NBPF20: variants seen among roughly 807,000 people sequenced by gnomAD.
NBPF20 encodes the protein NBPF member 20, also known as NBPF family member NBPF20.
NBPF20 carries 90 observed loss-of-function variants against 68.1 expected under a neutral mutation model. That is an observed-to-expected ratio of 1.32 (90% CI 1.11 to 1.58). The LOEUF (loss-of-function observed/expected upper bound fraction) is 1.58, where lower values mean the gene tolerates loss of function less well. Among genes scored for constraint, NBPF20 ranks in the 40% most tolerant of loss-of-function variants. The pLI, the probability that NBPF20 is intolerant of heterozygous loss-of-function variation, is 0.00. For missense variants in NBPF20, 816 were observed against 601.2 expected (o/e 1.36, Z -3.74); for synonymous variants, 290 against 228.1 (o/e 1.27, Z -2.45).
chr1:145,410,269 A>G (rs1250127938), upstream of NBPF20, among the ~76,000 whole-genome samples: 1 of 151,468 alleles, frequency 6.6e-6, no homozygotes, highest in African/African-American at 2.4e-5. Flanking sequence ...CCTGATGACT[A>G]AACAGTGGAG....
upstream of NBPF20, among the ~76,000 whole-genome samples, chr1:145,406,316 G>C (rs1662787126): frequency 1.3e-5 from 2 of 151,208 alleles, no homozygotes. Flanking sequence ...TTTTGGCCAA[G>C]TAATATCCTA....
chr1:145,291,813 G>A (rs115160688), intron 137 of NBPF20, 44 bp from the exon 143 acceptor site: 20,690 of 1,611,716 alleles, frequency 0.013, 190 homozygotes, highest in Non-Finnish European at 0.015. Flanking sequence ...GGGAAAATCA[G>A]AAACCACAGA....
chr1:145,342,792 C>A (rs1216675339), intron 73 of NBPF20, among the ~76,000 whole-genome samples: 4 of 116,556 alleles, frequency 3.4e-5, no homozygotes, highest in African/African-American at 1.1e-4. Flanking sequence ...CACACACACA[C>A]ACAGACACAC....
exon 6 of NBPF20, chr1:145,400,490 T>C: frequency 6.2e-7 from 1 of 1,613,080 alleles, no homozygotes; most frequent in Admixed American, 1.7e-5. Flanking sequence ...GGTTTTCCTA[T>C]GTGGCTGGTT....
rs782079098 is a variant in NBPF20, at chr1:145,292,430, T to A, written c.16648A>T (p.Arg5550Ter). The A allele has an allele frequency of 2.0e-5, 14 of 703,722 alleles. No individual in the cohort carries two copies. Among genetic ancestry groups the A allele is most frequent in the Non-Finnish European group, 2.8e-5 (11 of 396,994 alleles). 43.6% of individuals were successfully genotyped at this position (703,722 alleles called of 1,614,324 possible). Residue 5550 changes from arginine (R) to a stop codon, truncating the protein, a stop_gained, in exon 137 of 138, where the codon AGA becomes TGA. Transcript: ENST00000369373. LOFTEE classifies it high-confidence loss of function. ...TCTTCCCCTTCTTTTCTTCCCCTTC[T>A]TCTTTTCTTCTTTGATCTTCTTCCC...
chr1:145,403,940 C>A, intron 2 of NBPF20, among the ~76,000 whole-genome samples: 1 of 149,794 alleles, frequency 6.7e-6, no homozygotes, highest in Non-Finnish European at 1.5e-5. Context: ...AAATAGTGTT[C>A]ACTGTGTGCC....
At chr1:145,422,628 T>G in the NBPF20 span, among the ~76,000 whole-genome samples, 1 of 152,068 alleles carries the variant, frequency 6.6e-6, no homozygotes, top group Admixed American at 6.5e-5. Flanking sequence ...TGCCAAACAG[T>G]GCAGAAGGAA....
the NBPF20 span, among the ~76,000 whole-genome samples, chr1:145,419,243 G>A: frequency 1.3e-5 from 2 of 151,652 alleles, no homozygotes; most frequent in African/African-American, 4.9e-5. Flanking sequence ...AGAGAAGTAG[G>A]GAAGGAAGGA....
At chr1:145,393,490 C>T (rs1553662730) in intron 9 of NBPF20, among the ~76,000 whole-genome samples, 4 of 143,242 alleles carry the variant, frequency 2.8e-5, no homozygotes, top group South Asian at 2.3e-4. Context: ...CACACACACA[C>T]AGAGCGAGCT....
chr1:145,397,635 A>G (rs1468035385), intron 7 of NBPF20, among the ~76,000 whole-genome samples: 2 of 152,222 alleles, frequency 1.3e-5, no homozygotes, highest in African/African-American at 4.8e-5. Flanking sequence ...AAAACATGCC[A>G]AACTGTAAAG....
intron 7 of NBPF20, among the ~76,000 whole-genome samples, chr1:145,397,478 C>G (rs1662308505): frequency 1.3e-5 from 2 of 152,180 alleles, no homozygotes; most frequent in Admixed American, 1.3e-4. Context: ...TCATATCCAG[C>G]CAAACAAAGC....
At chr1:145,404,162 C>G (rs1662657670) in intron 2 of NBPF20, among the ~76,000 whole-genome samples, 1 of 148,710 alleles carries the variant, frequency 6.7e-6, no homozygotes, top group Non-Finnish European at 1.5e-5. Flanking sequence ...TGTGATCTTT[C>G]TTCCTCTTTA....
chr1:145,292,162 AGCT>A (rs1661156638), intron 137 of NBPF20, among the ~76,000 whole-genome samples: 2 of 149,978 alleles, frequency 1.3e-5, no homozygotes, highest in Non-Finnish European at 2.9e-5. Context: ...ATGAGAGTAC[AGCT>A]TTTGAAGTAT....
chr1:145,397,300 G>T (rs1662297753), intron 7 of NBPF20, among the ~76,000 whole-genome samples: 3 of 152,070 alleles, frequency 2.0e-5, no homozygotes, highest in East Asian at 3.9e-4. Context: ...GGGATGGCTG[G>T]GTCAAATGGT....
chr1:145,291,667 T>A lies in NBPF20; in HGVS notation c.16800A>T (p.Ser5600=), dbSNP rs782134605. ...AAAACACACTTCTGTAGTGCTGGAA[T>A]GAGTCAGGTAGTTCAAAGTACATTG... is the stretch of plus-strand genomic sequence containing the variant. The change falls in exon 138 of 138, where the codon TCA becomes TCT. Residue 5600 remains serine, a synonymous_variant. Transcript: ENST00000369373. 38 of 1,611,820 alleles carry A rather than the reference T, an allele frequency of 2.4e-5. No individual in the cohort carries two copies. The South Asian group carries it at 3.0e-4, about 13-fold the overall frequency.
the NBPF20 span, among the ~76,000 whole-genome samples, chr1:145,419,235 A>G: frequency 0.016 from 2,354 of 151,618 alleles, 23 homozygotes; most frequent in Non-Finnish European, 0.022. Flanking sequence ...AGGGAAGGAG[A>G]GAAGTAGGGA....
chr1:145,400,762 G>C (rs1662486005), intron 5 of NBPF20, among the ~76,000 whole-genome samples, 168 bp from the exon 11 acceptor site: 1 of 152,174 alleles, frequency 6.6e-6, no homozygotes, highest in Non-Finnish European at 1.5e-5. Flanking sequence ...CTGCAACAGA[G>C]CATGGCTGCC....
At chr1:145,412,250 C>A in the NBPF20 span, among the ~76,000 whole-genome samples, 17 of 150,574 alleles carry the variant, frequency 1.1e-4, no homozygotes, top group African/African-American at 3.6e-4. Context: ...GGTTTCTTTT[C>A]GGCTACTTTG....
At chr1:145,338,075 G>T (rs1661589663) in intron 79 of NBPF20, among the ~76,000 whole-genome samples, 3 of 83,694 alleles carry the variant, frequency 3.6e-5, no homozygotes, top group African/African-American at 1.4e-4. Flanking sequence ...AACGAGCTCA[G>T]TGAATTGTCC....
Sources: allele counts gnomAD v4.1 joint callset (sites outside exome capture counted in the v4.1 genomes callset), GRCh38; gene constraint gnomAD v4.1.1; transcripts MANE v1.5; gene names NCBI Gene and HGNC (gene_info 2026-07-23, HGNC 2026-07-21).